SERPING1: variants seen among roughly 807,000 people sequenced by gnomAD.
SERPING1 encodes serpin family G member 1.
A neutral mutation model predicts 34.1 loss-of-function variants in SERPING1; 5 were observed. The ratio of observed to expected loss-of-function variants is 0.15; its 90% CI spans 0.08 to 0.31. SERPING1 has a LOEUF of 0.31. Ranked by LOEUF, SERPING1 falls within the 10% of genes least tolerant of loss-of-function variation. The pLI, the probability that SERPING1 is intolerant of heterozygous loss-of-function variation, is 1.00. For synonymous variants in SERPING1, 225 were observed against 242.4 expected, an observed-to-expected ratio of 0.93 and a Z score of 0.67; for missense variants, 505 against 609.5, an observed-to-expected ratio of 0.83 and a Z score of 1.81.
Position 57,614,643 on chromosome 11 carries a change from C to A in SERPING1, c.*62C>A, listed in dbSNP as rs1306606413. On this transcript the variant is annotated 3_prime_UTR_variant, in exon 8 of 8. Coordinates refer to ENST00000278407, the MANE Select transcript of SERPING1 (RefSeq NM_000062.3). ...CCAGCCTCAGCTCTCAGTTGCAGCC[C>A]TGCTGCTGCCTGCCTGGACTTGGCC... 2 of 1,569,960 alleles carry A rather than the reference C, an allele frequency of 1.3e-6. No individual in the cohort carries two copies. The highest frequency in any genetic ancestry group is 2.7e-5 in the African/African-American group (2 of 74,044).
At chr11:57,607,528 C>G (rs79210173) in intron 6 of SERPING1, among the ~76,000 whole-genome samples, 1 of 152,306 alleles carries the variant, frequency 6.6e-6, no homozygotes, top group East Asian at 1.9e-4. Flanking sequence ...TGTCTTGTTT[C>G]CTTCTGTATC....
Position 57,599,889 on chromosome 11 carries a change from C to T in SERPING1, c.62C>T (p.Ser21Phe), listed in dbSNP as rs1251909277. 7 of 1,614,036 alleles carry T rather than the reference C, an allele frequency of 4.3e-6. No individual in the cohort carries two copies. Among genetic ancestry groups the T allele is most frequent in the Non-Finnish European group, 5.9e-6 (7 of 1,180,052 alleles). ...LLLLLAGDRA[S>F]SNPNATSSSS... ...TTTCTTGAACCACAGGATAGAGCCT[C>T]CTCAAATCCAAATGCTACCAGCTCC... is the stretch of plus-strand genomic sequence containing the variant. Residue 21 changes from serine (S) to phenylalanine (F), a missense_variant, in exon 3 of 8, where the codon TCC becomes TTC. Transcript: ENST00000278407.
chr11:57,603,094 A>G (rs2135312836), intron 4 of SERPING1, among the ~76,000 whole-genome samples: 1 of 152,098 alleles, frequency 6.6e-6, no homozygotes, highest in South Asian at 2.1e-4. Context: ...TTAGCCTGGC[A>G]TGGTGGCAGG....
At chr11:57,613,724 C>G (rs1338442528) in intron 7 of SERPING1, among the ~76,000 whole-genome samples, 1 of 152,170 alleles carries the variant, frequency 6.6e-6, no homozygotes, top group Non-Finnish European at 1.5e-5. Context: ...TCTCCAGCTC[C>G]TCTCTTCTCC....
At position 57,604,377 on chromosome 11, in the gene SERPING1, G is replaced by C. The variant is rs368775977; in HGVS notation, c.686-1633G>C. Among the ~76,000 whole-genome samples the C allele has an allele frequency of 9.2e-5, 14 of 152,212 alleles. No individual in the cohort carries two copies. In the East Asian group the frequency reaches 2.5e-3, roughly 27 times the overall value. On this transcript the variant is annotated intron_variant, in intron 4 of 7. Transcript: ENST00000278407. ...TAAACTTACAAAACGATCCAATGTA[G>C]TTGTTTTCAGACTTTGTTCCTCGGA...
rs17661117 is a variant in SERPING1, at chr11:57,608,044, A to G, written c.1029+1497A>G. ...CCATCTATCCATCCCTATCTAATGT[A>G]TTTGACCATTCATGACTCATTTAGC... On this transcript the variant is annotated intron_variant, in intron 6 of 7. Transcript: ENST00000278407. Among the ~76,000 whole-genome samples, 1,029 of 152,300 alleles carry G rather than the reference A, an allele frequency of 6.8e-3. 6 individuals carry two copies. The highest frequency in any genetic ancestry group is 0.011 in the South Asian group (54 of 4,814).
In SERPING1 at chr11:57,611,795, A is replaced by T. The variant is rs1458541573; in HGVS notation, c.1108A>T (p.Met370Leu). ...GAACCTGAAACATCGTCTTGAAGAC[A>T]TGGAACAGGCTCTCAGCCCTTCTGT... ...PQNLKHRLED[M>L]EQALSPSVFK... Residue 370 changes from methionine to leucine, a missense_variant, in exon 7 of 8, where the codon ATG becomes TTG. Transcript: ENST00000278407. 4 of 1,614,244 alleles carry T rather than the reference A, an allele frequency of 2.5e-6. No homozygotes were observed. The highest frequency in any genetic ancestry group is 3.4e-6 in the Non-Finnish European group (4 of 1,180,036).
intron 3 of SERPING1, 51 bp from the exon 4 acceptor site, chr11:57,601,984 A>G (rs774964344): frequency 1.7e-5 from 28 of 1,610,754 alleles, no homozygotes; most frequent in Non-Finnish European, 2.4e-5. Context: ...TTCCCAAGGA[A>G]GGCCCCCGAC....
chr11:57,599,437 T>G (rs562294850), intron 2 of SERPING1, among the ~76,000 whole-genome samples: 11 of 152,196 alleles, frequency 7.2e-5, no homozygotes, highest in Non-Finnish European at 1.6e-4. Flanking sequence ...ACTAATGGGT[T>G]GCAACCCACA....
chr11:57,614,515 C>A lies in SERPING1; in HGVS notation c.1437C>A (p.Phe479Leu). Residue 479 changes from phenylalanine (F) to leucine (L), a missense_variant, in exon 8 of 8, where the codon TTC becomes TTA. Phe to Leu is a conservative substitution (Grantham distance 22). Coordinates refer to ENST00000278407, the MANE Select transcript of SERPING1 (RefSeq NM_000062.3). The part of the protein sequence containing the change: ...LVFEVQQPFL[F>L]VLWDQQHKFP... Reference sequence around the variant, plus strand: ...TTGAAGTGCAGCAGCCCTTCCTCTTCGTGCTCTGGGACCAGCAGCACAAGT... The same window carrying A: ...TTGAAGTGCAGCAGCCCTTCCTCTTAGTGCTCTGGGACCAGCAGCACAAGT... 6.2e-7 allele frequency: 1 copy of A among 1,614,074 alleles called. No individual in the cohort carries two copies. The highest frequency in any genetic ancestry group is 8.5e-7 in the Non-Finnish European group (1 of 1,179,970).
chr11:57,608,562 G>A (rs1456147298), intron 6 of SERPING1, among the ~76,000 whole-genome samples: 1 of 152,170 alleles, frequency 6.6e-6, no homozygotes, highest in Non-Finnish European at 1.5e-5. Flanking sequence ...GCCCAGGCCG[G>A]AGTGCAGTGG....
Position 57,600,112 on chromosome 11 carries a change from C to T in SERPING1, c.285C>T (p.Thr95=). Reference sequence around the variant, plus strand: ...CCACACAACCCACCACAGAGCCCACCACCCAACCCACCATCCAACCCACCC... The same window carrying T: ...CCACACAACCCACCACAGAGCCCACTACCCAACCCACCATCCAACCCACCC... The part of the protein sequence containing the change: ...EPTTQPTTEP[T]TQPTIQPTQP... Residue 95 remains threonine (T), a synonymous_variant, in exon 3 of 8, where the codon ACC becomes ACT. Coordinates refer to ENST00000278407, the MANE Select transcript of SERPING1 (RefSeq NM_000062.3). 6.2e-7 allele frequency: 1 copy of T among 1,613,458 alleles called. No homozygotes were observed.
chr11:57,601,197 G>A (rs185616936), intron 3 of SERPING1, among the ~76,000 whole-genome samples: 13 of 151,674 alleles, frequency 8.6e-5, no homozygotes, highest in African/African-American at 2.7e-4. Flanking sequence ...TCAGGAGTTC[G>A]AGACCAGCCT....
intron 6 of SERPING1, among the ~76,000 whole-genome samples, chr11:57,609,494 C>T (rs57938075): frequency 2.6e-5 from 4 of 152,046 alleles, no homozygotes; most frequent in East Asian, 3.9e-4. Flanking sequence ...ACAGAAGAAT[C>T]GCTTGAACCC....
At chr11:57,602,907 A>G (rs948078434) in intron 4 of SERPING1, among the ~76,000 whole-genome samples, 5 of 150,370 alleles carry the variant, frequency 3.3e-5, no homozygotes, top group Admixed American at 6.7e-5. Flanking sequence ...CCTGGGCAGC[A>G]TGGCGAAACC....
intron 6 of SERPING1, among the ~76,000 whole-genome samples, chr11:57,607,561 C>G (rs948883237): frequency 6.6e-6 from 1 of 152,142 alleles, no homozygotes; most frequent in African/African-American, 2.4e-5. Flanking sequence ...AACAATGCCT[C>G]CTATCATAGG....
At chr11:57,598,123 G>A (rs1388266668) in intron 1 of SERPING1, 126 bp from the exon 2 acceptor site, 3 of 663,690 alleles carry the variant, frequency 4.5e-6, no homozygotes, top group African/African-American at 3.7e-5. Flanking sequence ...GGCCCCAGGA[G>A]GGAGGAGGAG....
chr11:57,600,140 C>T lies in SERPING1; in HGVS notation c.313C>T (p.Pro105Ser), dbSNP rs1945331824. 1.3e-6 allele frequency: 2 copies of T among 1,571,790 alleles called. No homozygotes were observed. The highest frequency in any genetic ancestry group is 4.6e-5 in the East Asian group (2 of 43,146). ...CCAACCCACCATCCAACCCACCCAA[C>T]CAACTACCCAGCTCCCAACAGATTC... is the stretch of plus-strand genomic sequence containing the variant. ...TTQPTIQPTQ[P>S]TTQLPTDSPT... is the part of the protein sequence containing the mutation. Residue 105 changes from proline (P) to serine (S), a missense_variant, in exon 3 of 8, where the codon CCA (proline) becomes TCA (serine). Pro to Ser is a moderately conservative substitution (Grantham distance 74, BLOSUM62 -1). Transcript: ENST00000278407.
intron 4 of SERPING1, among the ~76,000 whole-genome samples, chr11:57,604,930 A>G (rs977290305): frequency 6.6e-6 from 1 of 151,908 alleles, no homozygotes; most frequent in Non-Finnish European, 1.5e-5. Flanking sequence ...GAGCCAAGGA[A>G]TTCGAAGTTA....
Sources: allele counts gnomAD v4.1 joint callset (sites outside exome capture counted in the v4.1 genomes callset), GRCh38; gene constraint gnomAD v4.1.1; transcripts MANE v1.5; gene names NCBI Gene and HGNC (gene_info 2026-07-23, HGNC 2026-07-21).